Variants in SBF2 observed in about 807,000 individuals in gnomAD.
SBF2 encodes SET binding factor 2, also known as myotubularin-related protein 13.
In SBF2, 112 loss-of-function variants were observed where a neutral mutation model predicts 225.2. The ratio of observed to expected loss-of-function variants is 0.50; its 90% CI spans 0.43 to 0.58. The LOEUF (loss-of-function observed/expected upper bound fraction) is 0.58. SBF2 is among the 20% of genes least tolerant of loss of function. The pLI, the probability that SBF2 is intolerant of heterozygous loss-of-function variation, is 0.00. For synonymous variants in SBF2, 763 were observed against 773.3 expected, an observed-to-expected ratio of 0.99 and a Z score of 0.22; for missense variants, 1,996 against 2,206.2, an observed-to-expected ratio of 0.90 and a Z score of 1.91.
At chr11:9,926,692 A>T (rs1864082092) in intron 16 of SBF2, among the ~76,000 whole-genome samples, 1 of 152,194 alleles carries the variant, frequency 6.6e-6, no homozygotes, top group African/African-American at 2.4e-5. Flanking sequence ...GAAAGTATTT[A>T]AAAATGAATA....
chr11:9,845,485 C>T (rs1856475652), intron 24 of SBF2, 80 bp downstream of exon 24: 8 of 1,302,816 alleles, frequency 6.1e-6, no homozygotes, highest in South Asian at 1.2e-5. Flanking sequence ...ATCGCTTACA[C>T]CTGGACACAA....
chr11:10,277,012 C>T (rs1963002353), intron 1 of SBF2, among the ~76,000 whole-genome samples: 1 of 150,934 alleles, frequency 6.6e-6, no homozygotes, highest in Non-Finnish European at 1.5e-5. Context: ...CAGGAGGATT[C>T]CTTGAGGCCA....
chr11:10,050,631 A>G (rs947986319), intron 2 of SBF2, among the ~76,000 whole-genome samples: 1 of 152,138 alleles, frequency 6.6e-6, no homozygotes, highest in Admixed American at 6.5e-5. Flanking sequence ...ATGTGAGATG[A>G]TTTAATGCCT....
chr11:10,159,651 C>G (rs529732208), intron 2 of SBF2, among the ~76,000 whole-genome samples: 1 of 152,164 alleles, frequency 6.6e-6, no homozygotes, highest in Admixed American at 6.5e-5. Context: ...GCTTGTAACC[C>G]TAGCACTTTG....
At chr11:9,784,839 A>G in intron 37 of SBF2, 1 of 523,718 alleles carries the variant, frequency 1.9e-6, no homozygotes, top group African/African-American at 1.9e-5. Context: ...GCCACTGACA[A>G]AGTGCTGGCT....
chr11:10,227,038 T>C (rs1398502571), intron 1 of SBF2, among the ~76,000 whole-genome samples: 2 of 152,176 alleles, frequency 1.3e-5, no homozygotes, highest in Non-Finnish European at 1.5e-5. Context: ...GAGATGGTAT[T>C]TCATGGTGGT....
At position 9,922,440 on chromosome 11, in the gene SBF2, A is replaced by G. The variant is rs981050087; in HGVS notation, c.1861-26429T>C. 3.0e-4 allele frequency among the ~76,000 whole-genome samples: 46 copies of G among 152,162 alleles called. 1 individual carries two copies. The highest frequency in any genetic ancestry group is 2.8e-3 in the Admixed American group (43 of 15,270). ...GCACATAGTTTAAACTATGACTATA[A>G]TTTAAATAAGACTTTTACACATATC... On this transcript the variant is annotated intron_variant, in intron 16 of 39. Coordinates refer to ENST00000256190, the MANE Select transcript of SBF2 (RefSeq NM_030962.4).
At chr11:10,032,277 C>T (rs1212511179) in intron 3 of SBF2, among the ~76,000 whole-genome samples, 1 of 152,092 alleles carries the variant, frequency 6.6e-6, no homozygotes, top group African/African-American at 2.4e-5. Context: ...TAACCTATAT[C>T]CCACTGTCAA....
chr11:10,254,814 C>G (rs1278070155), intron 1 of SBF2, among the ~76,000 whole-genome samples: 1 of 136,420 alleles, frequency 7.3e-6, no homozygotes, highest in African/African-American at 2.8e-5. Flanking sequence ...TGAGGCAGAA[C>G]AGCTTGAACC....
At position 9,968,424 on chromosome 11, in the gene SBF2, TG is replaced by T; in HGVS notation, c.1516del (p.Gln506ArgfsTer16). On this transcript the variant is annotated frameshift_variant, in exon 14 of 40. Coordinates refer to ENST00000256190, the MANE Select transcript of SBF2 (RefSeq NM_030962.4). LOFTEE classifies it high-confidence loss of function. ...ATTCTGGTTCTTAGCAACATTTTCC[TG>T]TATTAATTCCTGAACCCGGGCTTCA... Reference protein sequence around the residue: ...INEARVQELIQENVAKNQNAP... With the variant: ...INEARVQELIXENVAKNQNAP... 1 of 1,614,160 alleles carries T rather than the reference TG, an allele frequency of 6.2e-7. No individual in the cohort carries two copies. Among genetic ancestry groups the T allele is most frequent in the Non-Finnish European group, 8.5e-7 (1 of 1,180,014 alleles).
intron 17 of SBF2, among the ~76,000 whole-genome samples, chr11:9,861,684 T>A (rs985511009): frequency 3.1e-4 from 44 of 141,596 alleles, no homozygotes; most frequent in African/African-American, 8.6e-4. Context: ...AAAAAAAAAA[T>A]GTTTCTTGAA....
chr11:10,204,555 CGTGG>C (rs1209803496), intron 1 of SBF2, among the ~76,000 whole-genome samples: 4 of 81,276 alleles, frequency 4.9e-5, no homozygotes, highest in African/African-American at 2.0e-4. Context: ...AGGAGAATGG[CGTGG>C]AGGCAGGAGA....
At chr11:10,221,245 G>C (rs1958329505) in intron 1 of SBF2, among the ~76,000 whole-genome samples, 1 of 151,552 alleles carries the variant, frequency 6.6e-6, no homozygotes, top group Non-Finnish European at 1.5e-5. Context: ...AGCCTCCCAA[G>C]TAGCTGGGAT....
At chr11:9,941,354 A>G (rs1013901310) in intron 16 of SBF2, among the ~76,000 whole-genome samples, 1 of 152,252 alleles carries the variant, frequency 6.6e-6, no homozygotes, top group Non-Finnish European at 1.5e-5. Flanking sequence ...AAATTATCCC[A>G]AAGAAAACAT....
chr11:9,828,238 A>T, intron 28 of SBF2: 2 of 1,286,896 alleles, frequency 1.6e-6, no homozygotes, highest in Non-Finnish European at 2.0e-6. Context: ...TCAGCCAAAA[A>T]GAAGAACAAA....
At chr11:10,247,386 A>G (rs2135477388) in intron 1 of SBF2, among the ~76,000 whole-genome samples, 1 of 152,250 alleles carries the variant, frequency 6.6e-6, no homozygotes, top group African/African-American at 2.4e-5. Flanking sequence ...TTAGGAATTT[A>G]AAACAACAAT....
At chr11:9,902,831 TTAGATTTTGA>T (rs796458735) in intron 16 of SBF2, among the ~76,000 whole-genome samples, 10 of 151,554 alleles carry the variant, frequency 6.6e-5, no homozygotes, top group African/African-American at 1.9e-4. Flanking sequence ...TGGATTGGAG[TTAGATTTTGA>T]TAGATTTTGA....
intron 1 of SBF2, among the ~76,000 whole-genome samples, chr11:10,197,291 G>A (rs1957412622): frequency 6.6e-6 from 1 of 152,146 alleles, no homozygotes; most frequent in African/African-American, 2.4e-5. Context: ...TCATACTTGG[G>A]AGATACTGCA....
At chr11:10,017,664 T>C (rs967682597) in intron 6 of SBF2, among the ~76,000 whole-genome samples, 2 of 152,152 alleles carry the variant, frequency 1.3e-5, no homozygotes, top group African/African-American at 4.8e-5. Context: ...GTGTGGTAAA[T>C]TGGGCATCTG....
Sources: allele counts gnomAD v4.1 joint callset (sites outside exome capture counted in the v4.1 genomes callset), GRCh38; gene constraint gnomAD v4.1.1; transcripts MANE v1.5; gene names NCBI Gene and HGNC (gene_info 2026-07-23, HGNC 2026-07-21).